ESS2: variants seen among roughly 807,000 people sequenced by gnomAD.
The protein encoded by ESS2 is splicing factor ESS-2 homolog.
ESS2 carries 31 observed loss-of-function variants against 52.0 expected under a neutral mutation model. That is an observed-to-expected ratio of 0.60 (90% CI 0.45 to 0.81). The LOEUF is 0.81. Ranked by LOEUF, ESS2 falls within the 30% of genes least tolerant of loss-of-function variation. The pLI is 0.00. For synonymous variants in ESS2, 285 were observed against 259.2 expected (o/e 1.10, Z -0.95); for missense variants, 602 against 637.2 (o/e 0.94, Z 0.59).
chr22:19,135,945 A>AT (rs2083573348), intron 8 of ESS2, among the ~76,000 whole-genome samples: 1 of 149,552 alleles, frequency 6.7e-6, no homozygotes, highest in East Asian at 2.0e-4. Context: ...CTGGAAGGTC[A>AT]TTTGAGCCCA....
In ESS2 at chr22:19,131,083, A is replaced by G; in HGVS notation, c.*3113T>C. Reference sequence around the variant, plus strand: ...ACAGGGAAACCAATGCAGCAGCAGCAGGGCCACCAGAGTCCTGTCCTGGGG... The same window carrying G: ...ACAGGGAAACCAATGCAGCAGCAGCGGGGCCACCAGAGTCCTGTCCTGGGG... On this transcript the variant is annotated 3_prime_UTR_variant, in exon 10 of 10. Transcript: ENST00000252137. The surrounding 1 kb of genome is among the most constrained non-coding windows in gnomAD (Gnocchi z 5.7). The G allele has an allele frequency of 3.3e-6, 1 of 302,252 alleles. No individual in the cohort carries two copies. The highest frequency in any genetic ancestry group is 6.2e-5 in the South Asian group (1 of 16,128). The allele number at this position is 302,252 out of a possible 1,614,324, so 18.7% of individuals were successfully genotyped here.
intron 1 of ESS2, 145 bp downstream of exon 1, chr22:19,144,361 T>C: frequency 1.3e-6 from 2 of 1,496,976 alleles, no homozygotes; most frequent in Non-Finnish European, 1.8e-6. Flanking sequence ...CTCTGCCCTG[T>C]TTACTTGACT....
At chr22:19,143,915 C>G (rs1339944165) in intron 1 of ESS2, 2 of 363,934 alleles carry the variant, frequency 5.5e-6, no homozygotes, top group South Asian at 2.2e-4. Flanking sequence ...GTCACTACCA[C>G]AAGTTGAGAT....
rs1569107970 is a variant in ESS2 at position 19,137,561 on chromosome 22, C to T, written c.926-129G>A. ...GGCAGGCAGCTAGCCCTCTCTCCTT[C>T]CCCAGGACTCTGGAACCCTGGCACC... On this transcript the variant is annotated intron_variant, in intron 7 of 9. Transcript: ENST00000252137. 10 of 923,766 alleles carry T rather than the reference C, an allele frequency of 1.1e-5. No individual in the cohort carries two copies. The Middle Eastern group carries it at 6.8e-4, about 63-fold the overall frequency. 57.2% of individuals were successfully genotyped at this position (923,766 alleles called of 1,614,324 possible). A position where few individuals can be genotyped will look rare whatever the true frequency, so the allele number is the denominator to read the frequency against.
Position 19,138,195 on chromosome 22 carries a change from C to T in ESS2, c.925+20G>A, listed in dbSNP as rs761606666. 6.2e-7 allele frequency: 1 copy of T among 1,613,436 alleles called. No homozygotes were observed. The highest frequency in any genetic ancestry group is 1.3e-5 in the African/African-American group (1 of 74,916). ...GGAGTCCCAGCAGTAGACCCACTTGCCAGTGGGCACTTTTCTCACCAGGGG... is the reference window on the plus strand; with the variant it reads ...GGAGTCCCAGCAGTAGACCCACTTGTCAGTGGGCACTTTTCTCACCAGGGG... On this transcript the variant is annotated intron_variant, in intron 7 of 9. Transcript: ENST00000252137.
intron 6 of ESS2, 140 bp downstream of exon 6, chr22:19,139,019 T>C: frequency 1.7e-6 from 2 of 1,203,832 alleles, no homozygotes; most frequent in Non-Finnish European, 2.3e-6. Context: ...AAGGAAAGAC[T>C]CAGGATCCTG....
rs754635473 is a variant in ESS2, at chr22:19,139,942, G to A, written c.483C>T (p.Ala161=). The A allele has an allele frequency of 1.5e-5, 24 of 1,614,200 alleles. No individual in the cohort carries two copies. Among genetic ancestry groups the A allele is most frequent in the East Asian group, 2.2e-5 (1 of 44,886 alleles). The change falls in exon 4 of 10, where the codon GCC becomes GCT. Residue 161 remains alanine (A), a synonymous_variant. Transcript: ENST00000252137. ...FLSRYTSEDN[A]SFQEIMEVAK... The stretch of plus-strand genomic sequence containing the variant: ...CCACCTCCATGATCTCCTGGAAGGA[G>A]GCATTGTCCTCACTCGTGTAGCGGC...
intron 3 of ESS2, 131 bp downstream of exon 3, chr22:19,142,404 GGCT>G (rs2083702280): frequency 2.6e-6 from 2 of 773,956 alleles, no homozygotes; most frequent in Admixed American, 2.6e-5. Flanking sequence ...TGACTTCACA[GGCT>G]GCTATTTACG....
At position 19,133,956 on chromosome 22, in the gene ESS2, A is replaced by T; in HGVS notation, c.*240T>A. On this transcript the variant is annotated 3_prime_UTR_variant, in exon 10 of 10. Coordinates refer to ENST00000252137, the MANE Select transcript of ESS2 (RefSeq NM_022719.3). ...CCCAGACTGTACCTAGGTGTTCTTT[A>T]ATGACAGTTCAAGGGGCCAATTAAA... The T allele has an allele frequency of 2.4e-6, 1 of 411,640 alleles. No individual in the cohort carries two copies. Among genetic ancestry groups the T allele is most frequent in the Non-Finnish European group, 4.2e-6 (1 of 239,064 alleles). The allele number at this position is 411,640 out of a possible 1,614,324, so 25.5% of individuals were successfully genotyped here.
intron 6 of ESS2, chr22:19,138,614 C>T: frequency 1.8e-6 from 1 of 553,568 alleles, no homozygotes. Flanking sequence ...CCAGAGGATG[C>T]TGACGCCAGG....
rs1163774889 is a variant in ESS2 at position 19,132,224 on chromosome 22, CA to C, written c.*1971del. On this transcript the variant is annotated 3_prime_UTR_variant, in exon 10 of 10. Coordinates refer to ENST00000252137, the MANE Select transcript of ESS2 (RefSeq NM_022719.3). This position sits in a 1 kb window ranked among gnomAD's most constrained non-coding sequence, Gnocchi z 4.2. ...TCAGCCACTCGTGGCTGCAGCCCCC[CA>C]AGCCCAAAGCCACGTCTTCTGCCTC... 3.1e-6 allele frequency: 5 copies of C among 1,612,306 alleles called. No individual in the cohort carries two copies. The highest frequency in any genetic ancestry group is 4.2e-6 in the Non-Finnish European group (5 of 1,178,768).
chr22:19,137,845 A>G, intron 7 of ESS2: 1 of 985,426 alleles, frequency 1.0e-6, no homozygotes, highest in Non-Finnish European at 1.2e-6. Context: ...CACGCATGCC[A>G]CAAGACCACC....
chr22:19,134,718 C>T (rs1443995627), intron 9 of ESS2, among the ~76,000 whole-genome samples: 1 of 152,142 alleles, frequency 6.6e-6, no homozygotes, highest in Non-Finnish European at 1.5e-5. Flanking sequence ...GGTGCACCCC[C>T]AGGCCTCTGA....
intron 8 of ESS2, among the ~76,000 whole-genome samples, chr22:19,135,538 C>T (rs1325961477): frequency 2.0e-5 from 3 of 152,208 alleles, no homozygotes; most frequent in Admixed American, 2.0e-4. Flanking sequence ...TCTCAAGGGG[C>T]TCATTTTCCT....
In ESS2 at chr22:19,137,345, C is replaced by T. The variant is rs1455019924; in HGVS notation, c.1013G>A (p.Arg338Lys). 2 of 1,613,700 alleles carry T rather than the reference C, an allele frequency of 1.2e-6. No individual in the cohort carries two copies. Among genetic ancestry groups the T allele is most frequent in the East Asian group, 4.5e-5 (2 of 44,850 alleles). The change falls in exon 8 of 10, where the codon AGG becomes AAG. Residue 338 changes from arginine to lysine, a missense_variant. By Grantham distance (26) the Arg-to-Lys change is conservative. Transcript: ENST00000252137. ...CACCTTAAAAGCTGGGCCGGGTGTCCTGTCCACGTAGGGCGTTTCCGACCC... is the reference window on the plus strand; with the variant it reads ...CACCTTAAAAGCTGGGCCGGGTGTCTTGTCCACGTAGGGCGTTTCCGACCC... ...VEGSETPYVD[R>K]TPGPAFKILE...
rs773798571 is a variant in ESS2, at chr22:19,132,464, A to G, written c.*1732T>C. 3 of 1,609,420 alleles carry G rather than the reference A, an allele frequency of 1.9e-6. No individual in the cohort carries two copies. Among genetic ancestry groups the G allele is most frequent in the Non-Finnish European group, 1.7e-6 (2 of 1,177,742 alleles). On this transcript the variant is annotated 3_prime_UTR_variant, in exon 10 of 10. Transcript: ENST00000252137. This position sits in a 1 kb window ranked among gnomAD's most constrained non-coding sequence, Gnocchi z 4.2. The stretch of plus-strand genomic sequence containing the variant: ...ACATCTCCGGAGCTGAGGTGGGGAA[A>G]GCAAGCACCTAGCATGACAATGGCC...
Position 19,138,321 on chromosome 22 carries a change from G to C in ESS2, c.823-4C>G. ...GGCCCACCTTGCCCTGTTTGTGCTG[G>C]AACAAGCAGAGAGGCTGGCATCAGG... is the stretch of plus-strand genomic sequence containing the variant. On this transcript the variant is annotated splice_region_variant and splice_polypyrimidine_tract_variant and intron_variant, in intron 6 of 9. Coordinates refer to ENST00000252137, the MANE Select transcript of ESS2 (RefSeq NM_022719.3). 1 of 1,613,576 alleles carries C rather than the reference G, an allele frequency of 6.2e-7. No homozygotes were observed. Among genetic ancestry groups the C allele is most frequent in the South Asian group, 1.1e-5 (1 of 91,044 alleles).
chr22:19,142,507 C>T (rs372590618), intron 3 of ESS2, 31 bp downstream of exon 3: 43 of 1,563,912 alleles, frequency 2.7e-5, no homozygotes, highest in Non-Finnish European at 3.5e-5. Context: ...CAATCCTGAC[C>T]ATGTGACTTA....
Position 19,134,118 on chromosome 22 carries a change from A to G in ESS2, c.*78T>C. The G allele has an allele frequency of 7.1e-7, 1 of 1,402,400 alleles. No homozygotes were observed. 86.9% of individuals were successfully genotyped at this position (1,402,400 alleles called of 1,614,324 possible). A position where few individuals can be genotyped will look rare whatever the true frequency, so the allele number is the denominator to read the frequency against. The stretch of plus-strand genomic sequence containing the variant: ...TCTGGCCCAGGCCTGGGCCCCGAGA[A>G]GGCTGGAGTCCTCTGCTGGGTGTAC... On this transcript the variant is annotated 3_prime_UTR_variant, in exon 10 of 10. Coordinates refer to ENST00000252137, the MANE Select transcript of ESS2 (RefSeq NM_022719.3).
Sources: gnomAD v4.1 joint callset for allele counts (sites outside exome capture counted in the v4.1 genomes callset) on GRCh38, gnomAD v4.1.1 for gene constraint, Gnocchi (gnomAD v3.1) non-coding constraint, MANE v1.5 for transcripts, NCBI Gene and HGNC (gene_info 2026-07-23, HGNC 2026-07-21) for gene names.